Variants in ATG2B observed in about 807,000 individuals in gnomAD.
ATG2B encodes the protein autophagy-related protein 2 homolog B.
ATG2B carries 121 observed loss-of-function variants against 241.3 expected under a neutral mutation model. The observed-to-expected ratio is 0.50, with a 90% CI of 0.43 to 0.58. The LOEUF is 0.58. Ranked by LOEUF, ATG2B falls within the 20% of genes least tolerant of loss-of-function variation. ATG2B has a pLI of 0.00. For missense variants in ATG2B, 2,306 were observed against 2,491.6 expected (o/e 0.93, Z 1.59); for synonymous variants, 858 against 876.6 (o/e 0.98, Z 0.37).
At chr14:96,308,691 C>A (rs1887071242) in intron 29 of ATG2B, among the ~76,000 whole-genome samples, 1 of 151,970 alleles carries the variant, frequency 6.6e-6, no homozygotes, top group Non-Finnish European at 1.5e-5. Flanking sequence ...CCTAAATTAG[C>A]AAGACAGCAA....
chr14:96,317,654 A>C (rs1175207982), intron 19 of ATG2B, 44 bp downstream of exon 19: 2 of 1,462,732 alleles, frequency 1.4e-6, no homozygotes, highest in African/African-American at 2.8e-5. Flanking sequence ...TTGTTAATTG[A>C]TAAACTAGGC....
intron 15 of ATG2B, among the ~76,000 whole-genome samples, chr14:96,324,937 G>A (rs532646207): frequency 6.6e-6 from 1 of 152,212 alleles, no homozygotes; most frequent in East Asian, 1.9e-4. Flanking sequence ...AGGGTGTCGT[G>A]GCAGAGGCAG....
At chr14:96,351,601 T>G (rs1888322645) in intron 1 of ATG2B, among the ~76,000 whole-genome samples, 1 of 152,034 alleles carries the variant, frequency 6.6e-6, no homozygotes, top group Non-Finnish European at 1.5e-5. Context: ...CCAGGCATGG[T>G]GGCCCACGCC....
intron 29 of ATG2B, among the ~76,000 whole-genome samples, chr14:96,308,233 T>TATATATATATATATATACAC (rs1566719573): frequency 2.4e-3 from 35 of 14,356 alleles, no homozygotes; most frequent in African/African-American, 7.8e-3. Context: ...TATATATACA[T>TATATATATATATATATACAC]ATATATATAT....
chr14:96,341,412 C>G (rs1274570821), intron 6 of ATG2B, 110 bp downstream of exon 6: 16 of 803,384 alleles, frequency 2.0e-5, no homozygotes, highest in Non-Finnish European at 2.6e-5. Context: ...GACAGCAGTA[C>G]ACTAGTTACA....
chr14:96,355,026 A>T (rs1422506987), intron 1 of ATG2B, among the ~76,000 whole-genome samples: 1 of 152,124 alleles, frequency 6.6e-6, no homozygotes, highest in Admixed American at 6.6e-5. Flanking sequence ...TTCCTTACAG[A>T]TGCTGAATTT....
At chr14:96,311,318 T>A (rs1158205589) in intron 27 of ATG2B, 31 bp from the exon 28 acceptor site, 1 of 1,577,746 alleles carries the variant, frequency 6.3e-7, no homozygotes, top group African/African-American at 1.4e-5. Flanking sequence ...GGGATGAAAA[T>A]GTTTTCCAAA....
rs757675221 is a variant in ATG2B at position 96,328,548 on chromosome 14, A to G, written c.1975-13T>C. The G allele has an allele frequency of 5.1e-6, 8 of 1,582,116 alleles. 1 individual carries two copies. In the South Asian group the frequency reaches 9.4e-5, roughly 19 times the overall value. ...TTGCTTGATTACCCTTTTAAAAAAA[A>G]AAAAGAAAAGGCATTAATACAATCA... is the stretch of plus-strand genomic sequence containing the variant. On this transcript the variant is annotated splice_polypyrimidine_tract_variant and intron_variant, in intron 13 of 41. Transcript: ENST00000359933.
intron 1 of ATG2B, among the ~76,000 whole-genome samples, chr14:96,357,155 A>G (rs1888499040): frequency 6.6e-6 from 1 of 152,172 alleles, no homozygotes; most frequent in Non-Finnish European, 1.5e-5. Flanking sequence ...CCTCATCTTT[A>G]TTGAATTCTC....
At chr14:96,302,701 C>G (rs1886825953) in intron 33 of ATG2B, among the ~76,000 whole-genome samples, 1 of 152,192 alleles carries the variant, frequency 6.6e-6, no homozygotes, top group South Asian at 2.1e-4. Context: ...ATGCCAAAAT[C>G]AAATTCTGTG....
At position 96,304,487 on chromosome 14, in the gene ATG2B, C is replaced by T. The variant is rs780020067; in HGVS notation, c.4842+8G>A. On this transcript the variant is annotated splice_region_variant and intron_variant, in intron 32 of 41. Coordinates refer to ENST00000359933, the MANE Select transcript of ATG2B (RefSeq NM_018036.7). Reference sequence around the variant, plus strand: ...TTAAGTGGATTTTTCCTTCAAATGCCATCTTACCTTGCTTAGCTGTATTTC... The same window carrying T: ...TTAAGTGGATTTTTCCTTCAAATGCTATCTTACCTTGCTTAGCTGTATTTC... 32 of 1,603,840 alleles carry T rather than the reference C, an allele frequency of 2.0e-5. No homozygotes were observed. The South Asian group carries it at 2.5e-4, about 13-fold the overall frequency.
intron 29 of ATG2B, among the ~76,000 whole-genome samples, chr14:96,308,249 T>TAA (rs1413891508): frequency 1.3e-4 from 2 of 15,450 alleles, no homozygotes; most frequent in African/African-American, 2.2e-4. Context: ...TATATATATA[T>TAA]ATACACACAT....
rs555572811 is a variant in ATG2B, at chr14:96,308,364, A to AACCTCCGTCTCCTGGGCTC, written c.4303+1070_4303+1088dup. On this transcript the variant is annotated intron_variant, in intron 29 of 41. Transcript: ENST00000359933. ...CAGTGGCACAATCTTGGCTCACTGCAACCTCCGTCTCCTGGGCTCAGGTGA... is the reference window on the plus strand; with the variant it reads ...CAGTGGCACAATCTTGGCTCACTGCAACCTCCGTCTCCTGGGCTCACCTCCGTCTCCTGGGCTCAGGTGA... 3.9e-3 allele frequency among the ~76,000 whole-genome samples: 553 copies of AACCTCCGTCTCCTGGGCTC among 141,916 alleles called. 22 individuals carry two copies. In the South Asian group the frequency reaches 0.06, roughly 15 times the overall value. The allele number at this position is 141,916 out of a possible 152,430, so 93.1% of individuals were successfully genotyped here. A position where few individuals can be genotyped will look rare whatever the true frequency, so the allele number is the denominator to read the frequency against.
rs1419870700 is a variant in ATG2B at position 96,304,547 on chromosome 14, C to T, written c.4790G>A (p.Cys1597Tyr). The change falls in exon 32 of 42, where the codon TGT becomes TAT. Residue 1597 changes from cysteine to tyrosine, a missense_variant. Transcript: ENST00000359933. ...GTCATGGTTCCTTCCTTTTCCCCCA[C>T]ATACTGTATTACGTCCATGTCTCGT... ...TPTRHGRNTV[C>Y]GGKGRNHDFL... 4.3e-6 allele frequency: 7 copies of T among 1,611,334 alleles called. No individual in the cohort carries two copies. Among genetic ancestry groups the T allele is most frequent in the Non-Finnish European group, 5.1e-6 (6 of 1,179,062 alleles).
chr14:96,304,376 G>T, intron 32 of ATG2B, 119 bp downstream of exon 32: 1 of 645,354 alleles, frequency 1.5e-6, no homozygotes, highest in Non-Finnish European at 2.8e-6. Flanking sequence ...CAAGATCCTT[G>T]CACTTTTCCA....
intron 29 of ATG2B, among the ~76,000 whole-genome samples, chr14:96,308,861 C>T (rs1595303213): frequency 1.3e-5 from 2 of 152,262 alleles, no homozygotes; most frequent in African/African-American, 4.8e-5. Context: ...GATCTTGAAT[C>T]ACCTGGGTCC....
At chr14:96,298,319 G>T (rs1461614955) in intron 34 of ATG2B, among the ~76,000 whole-genome samples, 1 of 152,164 alleles carries the variant, frequency 6.6e-6, no homozygotes, top group Non-Finnish European at 1.5e-5. Context: ...CATGGCTATT[G>T]GTGGGAATAT....
At chr14:96,350,982 T>C (rs1888302773) in intron 1 of ATG2B, among the ~76,000 whole-genome samples, 2 of 152,188 alleles carry the variant, frequency 1.3e-5, no homozygotes, top group South Asian at 4.1e-4. Flanking sequence ...AAATTCTCCC[T>C]TATGTACTGT....
At chr14:96,315,955 T>C (rs951065655) in intron 21 of ATG2B, among the ~76,000 whole-genome samples, 3 of 152,204 alleles carry the variant, frequency 2.0e-5, no homozygotes, top group Non-Finnish European at 4.4e-5. Flanking sequence ...TCCCATCGAC[T>C]GATGAATGGA....
Sources: gnomAD v4.1 joint callset for allele counts (sites outside exome capture counted in the v4.1 genomes callset) on GRCh38, gnomAD v4.1.1 for gene constraint, MANE v1.5 for transcripts, NCBI Gene and HGNC (gene_info 2026-07-23, HGNC 2026-07-21) for gene names.